Variants in PRDM16 observed in about 807,000 individuals in gnomAD.
The protein encoded by PRDM16 is PR/SET domain 16, also known as histone-lysine N-methyltransferase PRDM16.
PRDM16 carries 23 observed loss-of-function variants against 110.6 expected under a neutral mutation model. The ratio of observed to expected loss-of-function variants is 0.21; its 90% CI spans 0.15 to 0.29. The LOEUF is 0.29. PRDM16 is among the 10% of genes least tolerant of loss of function. PRDM16 has a pLI of 1.00. For missense variants in PRDM16, 1,615 were observed against 1,794.3 expected, an observed-to-expected ratio of 0.90 and a Z score of 1.81; for synonymous variants, 799 against 781.8, an observed-to-expected ratio of 1.02 and a Z score of -0.37.
intron 10 of PRDM16, among the ~76,000 whole-genome samples, chr1:3,415,484 T>G (rs543088532): frequency 6.6e-6 from 1 of 152,326 alleles, no homozygotes; most frequent in African/African-American, 2.4e-5. Flanking sequence ...CCAGGCTGAG[T>G]TCACAGCTAA....
intron 3 of PRDM16, among the ~76,000 whole-genome samples, chr1:3,282,402 G>A (rs977920745): frequency 5.3e-5 from 8 of 152,154 alleles, no homozygotes; most frequent in African/African-American, 1.2e-4. Flanking sequence ...CCCCACTGTC[G>A]GGCTTAGGAC....
At chr1:3,388,954 C>T (rs567960241) in intron 4 of PRDM16, among the ~76,000 whole-genome samples, 3 of 152,300 alleles carry the variant, frequency 2.0e-5, no homozygotes, top group African/African-American at 4.8e-5. Context: ...TGCTTTGGGG[C>T]GCTCCAGGGC....
intron 1 of PRDM16, among the ~76,000 whole-genome samples, chr1:3,095,490 G>A (rs552531334): frequency 9.2e-5 from 14 of 152,278 alleles, no homozygotes; most frequent in African/African-American, 3.1e-4. Flanking sequence ...AGCCCTGTGC[G>A]GCTGTGTCCC....
chr1:3,126,229 C>T (rs911155470), intron 1 of PRDM16, among the ~76,000 whole-genome samples: 3 of 152,218 alleles, frequency 2.0e-5, no homozygotes, highest in South Asian at 4.1e-4. Context: ...AGTCGGTCCC[C>T]GCAGCTCTCG....
rs1314420634 is a variant in PRDM16, at chr1:3,255,262, C to G, written c.438+11125C>G. Reference sequence around the variant, plus strand: ...ATAGGCATGGGCAAGGACTTCATGTCTAAAACACCACAAGCAATGGCAACA... The same window carrying G: ...ATAGGCATGGGCAAGGACTTCATGTGTAAAACACCACAAGCAATGGCAACA... On this transcript the variant is annotated intron_variant, in intron 3 of 16. Transcript: ENST00000270722. This position sits in a 1 kb window ranked among gnomAD's most constrained non-coding sequence, Gnocchi z 4.7. Among the ~76,000 whole-genome samples, 1 of 152,208 alleles carries G rather than the reference C, an allele frequency of 6.6e-6. No individual in the cohort carries two copies. The highest frequency in any genetic ancestry group is 1.5e-5 in the Non-Finnish European group (1 of 68,048).
At chr1:3,304,237 G>C (rs1641264137) in intron 3 of PRDM16, among the ~76,000 whole-genome samples, 1 of 151,860 alleles carries the variant, frequency 6.6e-6, no homozygotes, top group African/African-American at 2.4e-5. Flanking sequence ...GGGATGTGCT[G>C]GGGAGCGCAG....
intron 7 of PRDM16, 32 bp downstream of exon 7, chr1:3,404,918 G>C (rs573067388): frequency 6.2e-7 from 1 of 1,604,846 alleles, no homozygotes; most frequent in Non-Finnish European, 8.5e-7. Context: ...TCTCAGCCCC[G>C]GGGCAGCAGG....
intron 3 of PRDM16, among the ~76,000 whole-genome samples, chr1:3,313,015 C>A (rs1641501089): frequency 6.6e-6 from 1 of 152,194 alleles, no homozygotes; most frequent in African/African-American, 2.4e-5. Flanking sequence ...ACGAAGGGGC[C>A]GTGTTCCCAG....
intron 10 of PRDM16, among the ~76,000 whole-genome samples, chr1:3,416,174 C>T (rs554131791): frequency 3.3e-5 from 5 of 152,334 alleles, no homozygotes; most frequent in African/African-American, 1.2e-4. Context: ...TTATCGTAAC[C>T]AGTTCCCCAA....
chr1:3,128,793 G>T (rs1390076596), intron 1 of PRDM16, among the ~76,000 whole-genome samples: 1 of 152,234 alleles, frequency 6.6e-6, no homozygotes, highest in Non-Finnish European at 1.5e-5. Flanking sequence ...ATCCTTGGGC[G>T]TAGCCTGAAG....
intron 1 of PRDM16, among the ~76,000 whole-genome samples, chr1:3,070,478 A>G (rs1250055559): frequency 1.1e-4 from 17 of 149,442 alleles, no homozygotes; most frequent in Admixed American, 4.7e-4. Context: ...CGAAGCGGCC[A>G]GCGCCGCGCG....
chr1:3,162,913 A>G, intron 1 of PRDM16, among the ~76,000 whole-genome samples: 1 of 132,008 alleles, frequency 7.6e-6, no homozygotes, highest in Non-Finnish European at 1.6e-5. Flanking sequence ...GGCATGGTCT[A>G]GAGGGCTTTG....
chr1:3,271,995 G>A (rs1419800625), intron 3 of PRDM16, among the ~76,000 whole-genome samples: 1 of 152,218 alleles, frequency 6.6e-6, no homozygotes, highest in Non-Finnish European at 1.5e-5. Context: ...TCCCAGCCAT[G>A]AAAGCACCTG....
intron 3 of PRDM16, among the ~76,000 whole-genome samples, chr1:3,260,887 G>T (rs1373834530): frequency 6.7e-6 from 1 of 149,146 alleles, no homozygotes; most frequent in Non-Finnish European, 1.5e-5. Context: ...GAACCAAAGA[G>T]CCCAGGAAAG....
chr1:3,381,539 T>G (rs1356390865), intron 3 of PRDM16, among the ~76,000 whole-genome samples: 3 of 151,858 alleles, frequency 2.0e-5, no homozygotes, highest in Non-Finnish European at 4.4e-5. Flanking sequence ...AGTAGCTGCA[T>G]ACCACCACAC....
At chr1:3,162,856 C>T (rs1643911639) in intron 1 of PRDM16, among the ~76,000 whole-genome samples, 1 of 152,236 alleles carries the variant, frequency 6.6e-6, no homozygotes. Flanking sequence ...TGTCAGGGCC[C>T]CCGGCTCTAG....
chr1:3,367,282 A>T (rs1642832864), intron 3 of PRDM16, among the ~76,000 whole-genome samples: 1 of 152,116 alleles, frequency 6.6e-6, no homozygotes. Flanking sequence ...CTCAAAAAAA[A>T]AAAAATTGAT....
chr1:3,393,769 G>GC (rs1475410874), intron 4 of PRDM16, among the ~76,000 whole-genome samples: 1 of 152,214 alleles, frequency 6.6e-6, no homozygotes, highest in Non-Finnish European at 1.5e-5. Flanking sequence ...CAAGGGCGGG[G>GC]CCGGCGAGTG....
chr1:3,425,741 A>C lies in PRDM16; in HGVS notation c.3100A>C (p.Asn1034His), dbSNP rs1340399463. ...GCACCTCAAGAAGCACGAGCACGAGAACGCACCAGGTGGGCCACGCGGGGT... is the reference window on the plus strand; with the variant it reads ...GCACCTCAAGAAGCACGAGCACGAGCACGCACCAGGTGGGCCACGCGGGGT... ...DRHLKKHEHE[N>H]APVSQHPGVL... The change falls in exon 13 of 17, where the codon AAC (asparagine) becomes CAC (histidine). Residue 1034 changes from asparagine (N) to histidine (H), a missense_variant. Transcript: ENST00000270722. The surrounding 1 kb of genome is among the most constrained non-coding windows in gnomAD (Gnocchi z 6.9). The C allele has an allele frequency of 6.2e-7, 1 of 1,613,560 alleles. No homozygotes were observed.
Sources: allele counts gnomAD v4.1 joint callset (sites outside exome capture counted in the v4.1 genomes callset), GRCh38; gene constraint gnomAD v4.1.1; non-coding constraint Gnocchi (gnomAD v3.1); transcripts MANE v1.5; gene names NCBI Gene and HGNC (gene_info 2026-07-23, HGNC 2026-07-21).